Variants in ZC3H12C observed in about 807,000 individuals in gnomAD.
The protein encoded by ZC3H12C is zinc finger CCCH-type containing 12C.
Under a neutral mutation model 76.3 loss-of-function variants are expected in ZC3H12C, and 20 were observed. The observed-to-expected ratio is 0.26, with a 90% CI of 0.18 to 0.38. ZC3H12C has a LOEUF of 0.38. Ranked by LOEUF, ZC3H12C falls within the 10% of genes least tolerant of loss-of-function variation. ZC3H12C has a pLI of 1.00. For synonymous variants in ZC3H12C, 352 were observed against 399.6 expected, an observed-to-expected ratio of 0.88 and a Z score of 1.42; for missense variants, 874 against 1,086.5, an observed-to-expected ratio of 0.80 and a Z score of 2.75.
In ZC3H12C at chr11:110,143,712, C is replaced by T. The variant is rs544241614; in HGVS notation, c.773+6298C>T. Among the ~76,000 whole-genome samples the T allele has an allele frequency of 8.3e-4, 126 of 152,180 alleles. 1 individual carries two copies. The highest frequency in any genetic ancestry group is 2.5e-3 in the African/African-American group (103 of 41,520). ...GTGTATGTGTATATATGTATAAAGA[C>T]GGGGTCTTGCTATGTTGTCCAGGCT... On this transcript the variant is annotated intron_variant, in intron 2 of 5. Coordinates refer to ENST00000278590, the MANE Select transcript of ZC3H12C (RefSeq NM_033390.2).
intron 1 of ZC3H12C, among the ~76,000 whole-genome samples, chr11:110,126,989 T>A (rs1273147059): frequency 2.0e-5 from 3 of 152,212 alleles, no homozygotes; most frequent in Admixed American, 6.5e-5. Flanking sequence ...AAAGGTATAT[T>A]TTTCCAGAAG....
intron 1 of ZC3H12C, among the ~76,000 whole-genome samples, chr11:110,097,882 T>A (rs1020945011): frequency 5.3e-5 from 8 of 152,236 alleles, no homozygotes; most frequent in Non-Finnish European, 1.0e-4. Context: ...ATTACTCATA[T>A]GTTTGTGGTG....
At chr11:110,149,459 G>A (rs1862230239) in intron 2 of ZC3H12C, among the ~76,000 whole-genome samples, 1 of 152,122 alleles carries the variant, frequency 6.6e-6, no homozygotes. Context: ...TACGCCTTCC[G>A]CTTTATGGAA....
Position 110,164,689 on chromosome 11 carries a change from C to G in ZC3H12C, c.1604C>G (p.Thr535Ser). 1 of 1,614,052 alleles carries G rather than the reference C, an allele frequency of 6.2e-7. No individual in the cohort carries two copies. The highest frequency in any genetic ancestry group is 8.5e-7 in the Non-Finnish European group (1 of 1,179,894). ...PATSTAKPQSTTSLSNGLPSG... is the reference protein window; with the variant it reads ...PATSTAKPQSSTSLSNGLPSG... ...ACTTCTACTGCAAAACCCCAAAGCA[C>G]TACATCTTTAAGCAATGGCCTTCCA... Residue 535 changes from threonine (T) to serine (S), a missense_variant, in exon 6 of 6, where the codon ACT becomes AGT. Coordinates refer to ENST00000278590, the MANE Select transcript of ZC3H12C (RefSeq NM_033390.2). The surrounding 1 kb of genome is among the most constrained non-coding windows in gnomAD (Gnocchi z 5.7).
At chr11:110,096,971 T>C (rs934961132) in intron 1 of ZC3H12C, among the ~76,000 whole-genome samples, 2 of 152,236 alleles carry the variant, frequency 1.3e-5, no homozygotes, top group Non-Finnish European at 2.9e-5. Context: ...CAAACATTCT[T>C]AATGAATAAT....
chr11:110,159,033 G>T (rs1278139798), intron 3 of ZC3H12C, among the ~76,000 whole-genome samples: 2 of 77,494 alleles, frequency 2.6e-5, no homozygotes, highest in African/African-American at 3.4e-5. Context: ...TATACTGTTC[G>T]TATTTTTTTA....
chr11:110,100,063 G>A (rs1487886350), intron 1 of ZC3H12C, among the ~76,000 whole-genome samples: 1 of 152,082 alleles, frequency 6.6e-6, no homozygotes, highest in Non-Finnish European at 1.5e-5. Context: ...ACACCATACT[G>A]TACCTAGGAT....
intron 1 of ZC3H12C, among the ~76,000 whole-genome samples, chr11:110,134,406 T>C (rs1421992231): frequency 6.6e-6 from 1 of 152,146 alleles, no homozygotes; most frequent in South Asian, 2.1e-4. Context: ...CAGCTTCCAA[T>C]AGGTTTTCCT....
At chr11:110,093,534 C>T (rs1014062184) in intron 1 of ZC3H12C, 102 bp downstream of exon 1, 4 of 819,422 alleles carry the variant, frequency 4.9e-6, no homozygotes, top group Non-Finnish European at 4.7e-6. Flanking sequence ...GGGCGCCAGG[C>T]GGAGGGCGCC....
intron 1 of ZC3H12C, chr11:110,131,128 A>T: frequency 6.6e-7 from 1 of 1,503,824 alleles, no homozygotes; most frequent in Non-Finnish European, 8.9e-7. Flanking sequence ...TGCTACTTTA[A>T]TGCCTTGGAA....
At chr11:110,125,270 AGTGTGT>A (rs59512764) in intron 1 of ZC3H12C, among the ~76,000 whole-genome samples, 16,585 of 138,316 alleles carry the variant, frequency 0.12, 1,046 homozygotes, top group South Asian at 0.23. Context: ...ATCTCTCACT[AGTGTGT>A]GTGTGTGTGT....
At chr11:110,104,354 G>A (rs1861279677) in intron 1 of ZC3H12C, among the ~76,000 whole-genome samples, 1 of 152,082 alleles carries the variant, frequency 6.6e-6, no homozygotes, top group Non-Finnish European at 1.5e-5. Context: ...GTGAGCCACC[G>A]CACCTGGCCG....
rs1862637968 is a variant in ZC3H12C at position 110,169,432 on chromosome 11, T to C, written c.*3695T>C. ...CTCTGATTTACAATGGTATTTACTTTAAAGTATGTTTGGTTTTCATTATTC... is the reference window on the plus strand; with the variant it reads ...CTCTGATTTACAATGGTATTTACTTCAAAGTATGTTTGGTTTTCATTATTC... On this transcript the variant is annotated 3_prime_UTR_variant, in exon 6 of 6. Transcript: ENST00000278590. 6.6e-6 allele frequency: 1 copy of C among 151,822 alleles called. No individual in the cohort carries two copies. Among genetic ancestry groups the C allele is most frequent in the Admixed American group, 6.6e-5 (1 of 15,224 alleles). 9.4% of individuals were successfully genotyped at this position (151,822 alleles called of 1,614,324 possible). A position where few individuals can be genotyped will look rare whatever the true frequency, so the allele number is the denominator to read the frequency against.
intron 1 of ZC3H12C, among the ~76,000 whole-genome samples, chr11:110,094,563 T>C (rs1861079381): frequency 6.6e-6 from 1 of 152,256 alleles, no homozygotes; most frequent in South Asian, 2.1e-4. Context: ...TGTTTTTGTC[T>C]TAATGGACTT....
intron 3 of ZC3H12C, among the ~76,000 whole-genome samples, chr11:110,157,735 A>T (rs1862403384): frequency 6.6e-6 from 1 of 152,162 alleles, no homozygotes; most frequent in Admixed American, 6.5e-5. Context: ...CAGGAGCATC[A>T]TCAATCTGTA....
Position 110,137,167 on chromosome 11 carries a change from G to A in ZC3H12C, c.526G>A (p.Glu176Lys). The A allele has an allele frequency of 1.9e-6, 3 of 1,613,874 alleles. No individual in the cohort carries two copies. The highest frequency in any genetic ancestry group is 2.5e-6 in the Non-Finnish European group (3 of 1,179,836). ...GTTTGCACTTAAGTTAGGTTATTCT[G>A]AAGAACAGGTTCAGCTTGTACTAAA... ...LEFALKLGYSEEQVQLVLNKL... is the reference protein window; with the variant it reads ...LEFALKLGYSKEQVQLVLNKL... The change falls in exon 2 of 6, where the codon GAA (glutamate) becomes AAA (lysine). Residue 176 changes from glutamate to lysine, a missense_variant. This residue lies in a region of ZC3H12C where 210 missense variants were observed against 227.1 expected (regional missense o/e 0.92). Coordinates refer to ENST00000278590, the MANE Select transcript of ZC3H12C (RefSeq NM_033390.2).
intron 2 of ZC3H12C, among the ~76,000 whole-genome samples, chr11:110,151,319 G>A (rs2134189801): frequency 6.6e-6 from 1 of 152,264 alleles, no homozygotes; most frequent in African/African-American, 2.4e-5. Flanking sequence ...AGGAAGAAAT[G>A]TTTATGCAGG....
Position 110,136,934 on chromosome 11 carries a change from A to G in ZC3H12C, c.293A>G (p.His98Arg), listed in dbSNP as rs768598487. 1 of 1,613,794 alleles carries G rather than the reference A, an allele frequency of 6.2e-7. No homozygotes were observed. Among genetic ancestry groups the G allele is most frequent in the Non-Finnish European group, 8.5e-7 (1 of 1,179,814 alleles). The part of the protein sequence containing the change: ...GDSEENTNSD[H>R]ESEQLGSISV... ...TCTGAAGAAAACACAAATTCTGATCATGAGTCAGAACAATTGGGTAGCATT... is the reference window on the plus strand; with the variant it reads ...TCTGAAGAAAACACAAATTCTGATCGTGAGTCAGAACAATTGGGTAGCATT... Residue 98 changes from histidine to arginine, a missense_variant, in exon 2 of 6, where the codon CAT (histidine) becomes CGT (arginine). Coordinates refer to ENST00000278590, the MANE Select transcript of ZC3H12C (RefSeq NM_033390.2).
intron 1 of ZC3H12C, among the ~76,000 whole-genome samples, chr11:110,133,022 TGTAA>T (rs1483928864): frequency 1.3e-5 from 2 of 152,302 alleles, no homozygotes; most frequent in Non-Finnish European, 1.5e-5. Flanking sequence ...AGTAATTTCT[TGTAA>T]GTTTTACATA....
Sources: gnomAD v4.1 joint callset for allele counts (sites outside exome capture counted in the v4.1 genomes callset) on GRCh38, gnomAD v4.1.1 for gene constraint, gnomAD v4.1.1 regional missense constraint, Gnocchi (gnomAD v3.1) non-coding constraint, MANE v1.5 for transcripts, NCBI Gene and HGNC (gene_info 2026-07-23, HGNC 2026-07-21) for gene names.